COP1: variants seen among roughly 807,000 people sequenced by gnomAD.
COP1 encodes E3 ubiquitin-protein ligase COP1.
In COP1, 24 loss-of-function variants were observed where a neutral mutation model predicts 101.3. The observed-to-expected ratio is 0.24, with a 90% CI of 0.17 to 0.33. COP1 has a LOEUF of 0.33. COP1 is among the 10% of genes least tolerant of loss of function. The pLI, the probability that COP1 is intolerant of heterozygous loss-of-function variation, is 1.00. For synonymous variants in COP1, 347 were observed against 341.9 expected (o/e 1.01, Z -0.17); for missense variants, 663 against 906.2 (o/e 0.73, Z 3.45).
intron 8 of COP1, among the ~76,000 whole-genome samples, chr1:176,132,015 T>C (rs537771125): frequency 6.6e-6 from 1 of 151,766 alleles, no homozygotes; most frequent in East Asian, 1.9e-4. Flanking sequence ...TGAAATCTAG[T>C]ATGTTTTACG....
chr1:176,149,075 C>A lies in COP1; in HGVS notation c.763-1G>T. 6.4e-7 allele frequency: 1 copy of A among 1,559,896 alleles called. No homozygotes were observed. Among genetic ancestry groups the A allele is most frequent in the Admixed American group, 1.8e-5 (1 of 54,280 alleles). On this transcript the variant is annotated splice_acceptor_variant, in intron 5 of 19. Transcript: ENST00000367669. LOFTEE classifies it high-confidence loss of function. Reference sequence around the variant, plus strand: ...TCTGTAGTTGGGCTGCATGTGATTCCTACAATAGAAAATTATAATTTTTCT... The same window carrying A: ...TCTGTAGTTGGGCTGCATGTGATTCATACAATAGAAAATTATAATTTTTCT...
chr1:176,046,187 T>G lies in COP1; in HGVS notation c.1415A>C (p.Lys472Thr). Residue 472 changes from lysine (K) to threonine (T), a missense_variant, in exon 12 of 20, where the codon AAA becomes ACA. This residue lies in a region of COP1 where 209 missense variants were observed against 383.3 expected (regional missense o/e 0.55). Transcript: ENST00000367669. ...AAGAAAATAATGTAAATACCTGATT[T>G]TCGAATTGCAGGTCATTTCATTCTC... ...YPENEMTCNS[K>T]ISCISWSSYH... 6.2e-7 allele frequency: 1 copy of G among 1,601,052 alleles called. No homozygotes were observed.
At chr1:175,992,610 G>A (rs555254337) in intron 15 of COP1, among the ~76,000 whole-genome samples, 5 of 152,308 alleles carry the variant, frequency 3.3e-5, no homozygotes, top group South Asian at 2.1e-4. Flanking sequence ...CACCTGGCTC[G>A]GAGGGTCCTA....
chr1:176,179,878 G>C (rs928309340), intron 2 of COP1, among the ~76,000 whole-genome samples: 4 of 150,850 alleles, frequency 2.7e-5, no homozygotes, highest in African/African-American at 9.8e-5. Flanking sequence ...AAAAAAAATG[G>C]GACATAGCTG....
chr1:176,207,033 C>T lies in COP1; in HGVS notation c.-55G>A. 7.6e-7 allele frequency: 1 copy of T among 1,308,448 alleles called. No individual in the cohort carries two copies. Among genetic ancestry groups the T allele is most frequent in the Non-Finnish European group, 9.8e-7 (1 of 1,021,584 alleles). The allele number at this position is 1,308,448 out of a possible 1,614,324, so 81.1% of individuals were successfully genotyped here. Reference sequence around the variant, plus strand: ...CGGAGGAGAGGGACCGCGACCTCGACCCTCCGCCGCCTCCCCTCCCCTCAG... The same window carrying T: ...CGGAGGAGAGGGACCGCGACCTCGATCCTCCGCCGCCTCCCCTCCCCTCAG... On this transcript the variant is annotated 5_prime_UTR_variant, in exon 1 of 20. Coordinates refer to ENST00000367669, the MANE Select transcript of COP1 (RefSeq NM_022457.7).
intron 4 of COP1, 43 bp from the exon 5 acceptor site, chr1:176,163,031 A>G (rs1694571667): frequency 2.5e-6 from 4 of 1,577,268 alleles, no homozygotes; most frequent in Admixed American, 3.7e-5. Context: ...TCCTATGAAG[A>G]CTGTTTTAGA....
intron 3 of COP1, among the ~76,000 whole-genome samples, chr1:176,174,141 A>G (rs913651825): frequency 6.6e-6 from 1 of 152,156 alleles, no homozygotes; most frequent in African/African-American, 2.4e-5. Context: ...CTTGTGAACT[A>G]AGGAATGTTG....
intron 11 of COP1, among the ~76,000 whole-genome samples, chr1:176,055,024 A>G (rs878875064): frequency 6.6e-6 from 1 of 152,222 alleles, no homozygotes; most frequent in Admixed American, 6.5e-5. Flanking sequence ...AAATATCAAC[A>G]ATAGCTGACA....
chr1:176,025,329 G>A (rs1305981884), intron 15 of COP1, among the ~76,000 whole-genome samples: 1 of 151,834 alleles, frequency 6.6e-6, no homozygotes, highest in Non-Finnish European at 1.5e-5. Context: ...TTACTGCTTT[G>A]GGCAGATATC....
intron 15 of COP1, chr1:176,017,552 T>G (rs1172041912): frequency 6.6e-6 from 1 of 152,214 alleles, no homozygotes; most frequent in Non-Finnish European, 1.5e-5. Context: ...TGAGACAAAG[T>G]CTTGCTCTGT....
chr1:176,116,819 A>T (rs1266210401), intron 8 of COP1, 138 bp from the exon 9 acceptor site: 1 of 646,836 alleles, frequency 1.5e-6, no homozygotes, highest in African/African-American at 1.9e-5. Flanking sequence ...GCCAATCATT[A>T]GACATCAAAT....
intron 5 of COP1, among the ~76,000 whole-genome samples, chr1:176,155,429 C>T (rs1363360927): frequency 2.6e-5 from 4 of 151,662 alleles, no homozygotes; most frequent in African/African-American, 9.7e-5. Flanking sequence ...AAACACAGTT[C>T]AATACAAATT....
intron 8 of COP1, among the ~76,000 whole-genome samples, chr1:176,118,569 C>T (rs1405848387): frequency 6.6e-6 from 1 of 152,058 alleles, no homozygotes; most frequent in Non-Finnish European, 1.5e-5. Flanking sequence ...TTAAGACCAG[C>T]CCGGACAAAA....
chr1:175,984,193 A>G (rs6425369), intron 18 of COP1, among the ~76,000 whole-genome samples: 140,343 of 152,150 alleles, frequency 0.92, 65,510 homozygotes, highest in East Asian at 1. Context: ...TGGAGACCCC[A>G]GAGGAAAAAG....
rs182575437 is a variant in COP1, at chr1:176,124,118, A to G, written c.969-7437T>C. The stretch of plus-strand genomic sequence containing the variant: ...ATTTTAGATCTTTTTAATTTTTTTA[A>G]ATTTTTAGTGTTTCTGGGTATACAG... On this transcript the variant is annotated intron_variant, in intron 8 of 19. Transcript: ENST00000367669. 8.4e-4 allele frequency among the ~76,000 whole-genome samples: 128 copies of G among 152,132 alleles called. 2 individuals carry two copies. In the East Asian group the frequency reaches 0.019, roughly 23 times the overall value.
At chr1:176,113,184 T>A (rs547307735) in intron 9 of COP1, among the ~76,000 whole-genome samples, 167 of 152,318 alleles carry the variant, frequency 1.1e-3, no homozygotes, top group Middle Eastern at 3.4e-3. Context: ...GGGCATTCAC[T>A]CTTTCTCCAC....
At chr1:175,990,604 T>C (rs1658171930) in intron 15 of COP1, among the ~76,000 whole-genome samples, 1 of 152,210 alleles carries the variant, frequency 6.6e-6, no homozygotes, top group African/African-American at 2.4e-5. Context: ...TCAGTCAAAA[T>C]ATCTGTTTTT....
rs371594841 is a variant in COP1, at chr1:175,991,511, G to C, written c.1730-2032C>G. Among the ~76,000 whole-genome samples the C allele has an allele frequency of 3.9e-5, 6 of 152,150 alleles. No individual in the cohort carries two copies. The East Asian group carries it at 5.8e-4, about 15-fold the overall frequency. On this transcript the variant is annotated intron_variant, in intron 15 of 19. Coordinates refer to ENST00000367669, the MANE Select transcript of COP1 (RefSeq NM_022457.7). Reference sequence around the variant, plus strand: ...GCCTAAGACGTTAACAGTATACCTAGGCTACACTAAATTTACTGTAAAAAA... The same window carrying C: ...GCCTAAGACGTTAACAGTATACCTACGCTACACTAAATTTACTGTAAAAAA...
chr1:176,186,750 T>A (rs1178865971), intron 1 of COP1, among the ~76,000 whole-genome samples: 2 of 152,146 alleles, frequency 1.3e-5, no homozygotes, highest in Non-Finnish European at 2.9e-5. Flanking sequence ...ACGGAAGCTA[T>A]CATAATCCAG....
Sources: allele counts gnomAD v4.1 joint callset (sites outside exome capture counted in the v4.1 genomes callset), GRCh38; gene constraint gnomAD v4.1.1; regional missense constraint gnomAD v4.1.1; transcripts MANE v1.5; gene names NCBI Gene and HGNC (gene_info 2026-07-23, HGNC 2026-07-21).